SAP30BP: variants seen among roughly 807,000 people sequenced by gnomAD.
The protein encoded by SAP30BP is SAP30-binding protein.
Under a neutral mutation model 46.3 loss-of-function variants are expected in SAP30BP, and 31 were observed. The ratio of observed to expected loss-of-function variants is 0.67; its 90% confidence interval spans 0.50 to 0.90. SAP30BP has a LOEUF of 0.90. Ranked by LOEUF, SAP30BP falls within the 40% of genes least tolerant of loss-of-function variation. The probability of loss-of-function intolerance (pLI) is 0.00; values close to 1 mark genes in which losing one functional copy is unlikely to be tolerated. For synonymous variants in SAP30BP, 169 were observed against 144.2 expected (o/e 1.17, Z -1.23); for missense variants, 312 against 391.0 (o/e 0.80, Z 1.70).
At chr17:75,704,458 C>T (rs899794576) in intron 8 of SAP30BP, among the ~76,000 whole-genome samples, 2 of 152,244 alleles carry the variant, frequency 1.3e-5, no homozygotes, top group African/African-American at 4.8e-5. Flanking sequence ...ATTCCAGCTT[C>T]TCTCCATCAG....
chr17:75,689,075 C>T (rs775480561), intron 3 of SAP30BP, among the ~76,000 whole-genome samples: 7 of 151,896 alleles, frequency 4.6e-5, no homozygotes, highest in Admixed American at 1.3e-4. Context: ...ACCAGCTCAG[C>T]GTTTAAACCA....
intron 4 of SAP30BP, 84 bp downstream of exon 4, chr17:75,693,566 C>G: frequency 7.7e-7 from 1 of 1,290,754 alleles, no homozygotes; most frequent in Non-Finnish European, 1.1e-6. Flanking sequence ...CCTGCCGCCC[C>G]ACAGGGCTTC....
chr17:75,680,326 TAAGAG>T (rs2060057636), intron 3 of SAP30BP, among the ~76,000 whole-genome samples: 1 of 152,330 alleles, frequency 6.6e-6, no homozygotes, highest in African/African-American at 2.4e-5. Flanking sequence ...TAACCCCAGT[TAAGAG>T]AAGACATTTT....
chr17:75,669,910 G>A (rs2059884003), intron 2 of SAP30BP, among the ~76,000 whole-genome samples: 1 of 152,230 alleles, frequency 6.6e-6, no homozygotes, highest in Non-Finnish European at 1.5e-5. Context: ...CTTAGCATAA[G>A]ACAGGCAGAG....
chr17:75,671,767 C>T (rs1309085622), intron 2 of SAP30BP, 49 bp from the exon 3 acceptor site: 1 of 1,505,164 alleles, frequency 6.6e-7, no homozygotes, highest in East Asian at 2.3e-5. Context: ...TGTGAGACTC[C>T]TCAGGCCCGC....
rs945010895 is a variant in SAP30BP at position 75,706,582 on chromosome 17, G to A, written c.*61G>A. Reference sequence around the variant, plus strand: ...CAGCCCAGTGACCACTGCCCAGTGGGAGGCGCCACTTTGTATATTTCAGGA... The same window carrying A: ...CAGCCCAGTGACCACTGCCCAGTGGAAGGCGCCACTTTGTATATTTCAGGA... On this transcript the variant is annotated 3_prime_UTR_variant, in exon 11 of 11. Coordinates refer to ENST00000584667, the MANE Select transcript of SAP30BP (RefSeq NM_013260.8). The surrounding 1 kb of genome is among the most constrained non-coding windows in gnomAD (Gnocchi z 4.6). 2.0e-6 allele frequency: 3 copies of A among 1,481,304 alleles called. No homozygotes were observed. In the Admixed American group the frequency reaches 5.4e-5, roughly 27 times the overall value. The allele number at this position is 1,481,304 out of a possible 1,614,324, so 91.8% of individuals were successfully genotyped here. A position where few individuals can be genotyped will look rare whatever the true frequency, so the allele number is the denominator to read the frequency against.
intron 3 of SAP30BP, among the ~76,000 whole-genome samples, chr17:75,672,746 C>G (rs771201952): frequency 2.6e-5 from 4 of 152,128 alleles, no homozygotes; most frequent in Admixed American, 6.5e-5. Flanking sequence ...CACTTGAGGT[C>G]AGGAGTTCAA....
rs2059805387 is a variant in SAP30BP, at chr17:75,667,392, T to G, written c.20T>G (p.Val7Gly). The G allele has an allele frequency of 6.2e-7, 1 of 1,614,062 alleles. No homozygotes were observed. The highest frequency in any genetic ancestry group is 1.3e-5 in the African/African-American group (1 of 74,916). The stretch of plus-strand genomic sequence containing the variant: ...AATAAGATGGCGGGGAAGAAGAATG[T>G]TCTGTCGTCTCTCGCAGTTTACGCG... Reference protein sequence around the residue: MAGKKNVLSSLAVYAED... With the variant: MAGKKNGLSSLAVYAED... The change falls in exon 1 of 11, where the codon GTT (valine) becomes GGT (glycine). Residue 7 changes from valine (V) to glycine (G), a missense_variant. Physicochemically the swap from Val to Gly is moderately radical, Grantham distance 109 (BLOSUM62 -3). Coordinates refer to ENST00000584667, the MANE Select transcript of SAP30BP (RefSeq NM_013260.8).
intron 9 of SAP30BP, chr17:75,705,619 C>G: frequency 9.6e-7 from 1 of 1,046,226 alleles, no homozygotes; most frequent in Non-Finnish European, 1.2e-6. Flanking sequence ...AGGCTTGTTG[C>G]AGGGACGTGT....
chr17:75,704,707 C>T (rs1275253737), intron 8 of SAP30BP, 49 bp from the exon 9 acceptor site: 1 of 1,425,438 alleles, frequency 7.0e-7, no homozygotes, highest in East Asian at 2.3e-5. Context: ...TCCCTCAGCC[C>T]AGAGCTGCTC....
intron 3 of SAP30BP, among the ~76,000 whole-genome samples, chr17:75,675,147 TTTTTG>T (rs971617700): frequency 2.0e-5 from 3 of 152,162 alleles, no homozygotes; most frequent in African/African-American, 7.2e-5. Context: ...TTTTGTTGTT[TTTTTG>T]TTTTGTTTTG....
rs1450642439 is a variant in SAP30BP at position 75,699,864 on chromosome 17, A to C, written c.389A>C (p.His130Pro). Reference sequence around the variant, plus strand: ...GAACCCCCTGGCAGATGTTCAAATCACTTGCAAGTAAGCATGAGACTCGGC... The same window carrying C: ...GAACCCCCTGGCAGATGTTCAAATCCCTTGCAAGTAAGCATGAGACTCGGC... ...PPEPPGRCSNHLQDKIQKLYE... is the reference protein window; with the variant it reads ...PPEPPGRCSNPLQDKIQKLYE... The change falls in exon 5 of 11, where the codon CAC becomes CCC. Residue 130 changes from histidine (H) to proline (P), a missense_variant. This residue lies in a region of SAP30BP where 296 missense variants were observed against 346.6 expected (regional missense o/e 0.85). Coordinates refer to ENST00000584667, the MANE Select transcript of SAP30BP (RefSeq NM_013260.8). The C allele has an allele frequency of 6.2e-7, 1 of 1,611,474 alleles. No individual in the cohort carries two copies. Among genetic ancestry groups the C allele is most frequent in the Non-Finnish European group, 8.5e-7 (1 of 1,177,792 alleles).
intron 2 of SAP30BP, among the ~76,000 whole-genome samples, chr17:75,670,020 T>C (rs906653216): frequency 6.6e-6 from 1 of 152,162 alleles, no homozygotes; most frequent in Admixed American, 6.5e-5. Context: ...GGTATGTAAA[T>C]GTTAGCATTA....
At chr17:75,693,895 C>G (rs1195077835) in intron 4 of SAP30BP, among the ~76,000 whole-genome samples, 1 of 152,186 alleles carries the variant, frequency 6.6e-6, no homozygotes, top group Non-Finnish European at 1.5e-5. Context: ...TGCTCTGTCC[C>G]CAGGCAGGAA....
At chr17:75,692,260 C>T in intron 3 of SAP30BP, 8 of 985,608 alleles carry the variant, frequency 8.1e-6, no homozygotes, top group Non-Finnish European at 9.6e-6. Context: ...CTTCCTGGCA[C>T]CTTCCTTTTG....
chr17:75,692,113 C>A, intron 3 of SAP30BP: 1 of 537,074 alleles, frequency 1.9e-6, no homozygotes, highest in Non-Finnish European at 2.4e-6. Context: ...CTGGCCTGGA[C>A]GTGGTGCCCT....
intron 3 of SAP30BP, among the ~76,000 whole-genome samples, chr17:75,686,064 G>A (rs368916709): frequency 5.9e-5 from 9 of 152,228 alleles, no homozygotes; most frequent in Non-Finnish European, 1.2e-4. Flanking sequence ...ATCAGGAGCC[G>A]TGCTGAGTCA....
At chr17:75,681,902 C>G (rs1039125318) in intron 3 of SAP30BP, among the ~76,000 whole-genome samples, 1 of 152,044 alleles carries the variant, frequency 6.6e-6, no homozygotes, top group African/African-American at 2.4e-5. Flanking sequence ...ATAGGAGCCC[C>G]GAGTCCTTTT....
chr17:75,705,765 T>C (rs1431989391), intron 9 of SAP30BP: 15 of 1,075,112 alleles, frequency 1.4e-5, no homozygotes, highest in South Asian at 1.7e-5. Flanking sequence ...GTGCCGGGCA[T>C]GTGCAGAGAC....
Sources: allele counts gnomAD v4.1 joint callset (sites outside exome capture counted in the v4.1 genomes callset), GRCh38; gene constraint gnomAD v4.1.1; regional missense constraint gnomAD v4.1.1; non-coding constraint Gnocchi (gnomAD v3.1); transcripts MANE v1.5; gene names NCBI Gene and HGNC (gene_info 2026-07-23, HGNC 2026-07-21).